TRABD2B: variants seen among roughly 807,000 people sequenced by gnomAD.
The protein encoded by TRABD2B is TraB domain containing 2B.
TRABD2B carries 14 observed loss-of-function variants against 40.1 expected under a neutral mutation model. The ratio of observed to expected loss-of-function variants is 0.35; its 90% confidence interval spans 0.23 to 0.55. TRABD2B has a LOEUF of 0.55. Among genes scored for constraint, TRABD2B ranks in the 20% least tolerant of loss-of-function variants. The pLI is 0.90. For synonymous variants in TRABD2B, 263 were observed against 277.0 expected (o/e 0.95, Z 0.50); for missense variants, 541 against 648.6 (o/e 0.83, Z 1.80).
chr1:47,845,346 T>A (rs1248006846), intron 2 of TRABD2B, among the ~76,000 whole-genome samples: 1 of 152,204 alleles, frequency 6.6e-6, no homozygotes, highest in Non-Finnish European at 1.5e-5. Context: ...ATTAGGATAA[T>A]AACAACAAAA....
At chr1:47,828,145 C>T (rs1287239498) in intron 2 of TRABD2B, among the ~76,000 whole-genome samples, 2 of 152,192 alleles carry the variant, frequency 1.3e-5, no homozygotes, top group Admixed American at 1.3e-4. Flanking sequence ...GGGCCACACA[C>T]AGTAGGTGCG....
At chr1:47,865,206 C>G (rs1051267091) in intron 2 of TRABD2B, among the ~76,000 whole-genome samples, 1 of 152,190 alleles carries the variant, frequency 6.6e-6, no homozygotes, top group Non-Finnish European at 1.5e-5. Flanking sequence ...CTGCCTTCAG[C>G]ATCACAGTAG....
chr1:47,955,698 T>C (rs761405152), intron 2 of TRABD2B, among the ~76,000 whole-genome samples: 18 of 152,048 alleles, frequency 1.2e-4, no homozygotes, highest in Non-Finnish European at 1.8e-4. Flanking sequence ...ATTTCAACTC[T>C]AAGGCCCTCA....
chr1:47,912,657 G>T (rs1644778740), intron 2 of TRABD2B, among the ~76,000 whole-genome samples: 1 of 152,178 alleles, frequency 6.6e-6, no homozygotes, highest in Non-Finnish European at 1.5e-5. Context: ...TTTACCATAT[G>T]CTGGGAGGGC....
chr1:47,974,657 C>T (rs960014458), intron 2 of TRABD2B, among the ~76,000 whole-genome samples: 9 of 152,322 alleles, frequency 5.9e-5, no homozygotes, highest in East Asian at 1.9e-4. Context: ...CAGACTGAGC[C>T]TTCAAAACGC....
intron 4 of TRABD2B, among the ~76,000 whole-genome samples, chr1:47,793,982 C>G (rs953460564): frequency 6.6e-6 from 1 of 152,198 alleles, no homozygotes; most frequent in African/African-American, 2.4e-5. Flanking sequence ...TCATGATGAT[C>G]ATTGCAGCTG....
intron 2 of TRABD2B, among the ~76,000 whole-genome samples, chr1:47,920,789 A>G (rs1047909244): frequency 3.3e-5 from 5 of 152,218 alleles, no homozygotes; most frequent in African/African-American, 1.2e-4. Flanking sequence ...CAGGTACTTC[A>G]GGATGAATGA....
intron 2 of TRABD2B, among the ~76,000 whole-genome samples, chr1:47,844,859 AG>A (rs1645447071): frequency 1.3e-5 from 2 of 152,316 alleles, no homozygotes; most frequent in Non-Finnish European, 2.9e-5. Context: ...AGACACTCAG[AG>A]TCAGACTCTC....
At chr1:47,883,939 G>A (rs532122842) in intron 2 of TRABD2B, among the ~76,000 whole-genome samples, 74 of 152,288 alleles carry the variant, frequency 4.9e-4, no homozygotes, top group Non-Finnish European at 7.8e-4. Context: ...TCTCTCCATG[G>A]GGATTTTAGG....
At position 47,863,050 on chromosome 1, in the gene TRABD2B, C is replaced by T. The variant is rs72894250; in HGVS notation, c.667-61431G>A. On this transcript the variant is annotated intron_variant, in intron 2 of 6. Coordinates refer to ENST00000606738, the MANE Select transcript of TRABD2B (RefSeq NM_001194986.2). ...ATCTAGGCACAGACCTTACACTCTT[C>T]ACAAAAATTAAGACAAAATGAATCA... Among the ~76,000 whole-genome samples the T allele has an allele frequency of 7.8e-3, 1,192 of 152,086 alleles. 10 individuals are homozygous for T. Among genetic ancestry groups the T allele is most frequent in the African/African-American group, 0.027 (1,133 of 41,488 alleles).
intron 2 of TRABD2B, among the ~76,000 whole-genome samples, chr1:47,945,938 G>A (rs1349052101): frequency 6.6e-6 from 1 of 152,210 alleles, no homozygotes; most frequent in African/African-American, 2.4e-5. Context: ...GATGTGGTAA[G>A]TGTATGTTTA....
chr1:47,930,416 C>T (rs910385974), intron 2 of TRABD2B, among the ~76,000 whole-genome samples: 1 of 152,202 alleles, frequency 6.6e-6, no homozygotes. Flanking sequence ...ACTCCAGCTA[C>T]TCCTCAGCGC....
intron 2 of TRABD2B, among the ~76,000 whole-genome samples, chr1:47,855,646 T>C (rs1469292856): frequency 2.0e-5 from 3 of 152,228 alleles, no homozygotes; most frequent in Non-Finnish European, 4.4e-5. Flanking sequence ...ATGGAATGCT[T>C]GTGTTCTCCC....
intron 2 of TRABD2B, among the ~76,000 whole-genome samples, chr1:47,833,484 T>A (rs1645277158): frequency 6.6e-6 from 1 of 152,184 alleles, no homozygotes; most frequent in Non-Finnish European, 1.5e-5. Flanking sequence ...GGCTGGGGAA[T>A]GATCATTGGC....
At chr1:47,966,578 C>T (rs1037717218) in intron 2 of TRABD2B, among the ~76,000 whole-genome samples, 2 of 152,130 alleles carry the variant, frequency 1.3e-5, no homozygotes, top group Non-Finnish European at 2.9e-5. Flanking sequence ...ATTTGGCTAA[C>T]ACAGCTTTGC....
At chr1:47,801,418 C>T (rs537663646) in intron 3 of TRABD2B, 55 bp downstream of exon 3, 162 of 1,493,018 alleles carry the variant, frequency 1.1e-4, no homozygotes, top group Non-Finnish European at 1.4e-4. Flanking sequence ...ATGCCTGGCA[C>T]GTCATAGGGA....
intron 2 of TRABD2B, among the ~76,000 whole-genome samples, chr1:47,854,888 T>A (rs1643875553): frequency 6.6e-6 from 1 of 152,164 alleles, no homozygotes; most frequent in East Asian, 1.9e-4. Flanking sequence ...GAGTCACATG[T>A]AAAAAAGTTT....
At chr1:47,769,183 T>TAA (rs11398500) in intron 6 of TRABD2B, among the ~76,000 whole-genome samples, 9 of 150,872 alleles carry the variant, frequency 6.0e-5, no homozygotes, top group Middle Eastern at 3.4e-3. Flanking sequence ...AAAACAAAAA[T>TAA]AAAAAAAAAG....
intron 2 of TRABD2B, among the ~76,000 whole-genome samples, chr1:47,836,852 C>T (rs1269110368): frequency 1.3e-5 from 2 of 152,206 alleles, no homozygotes; most frequent in Non-Finnish European, 2.9e-5. Context: ...GAAGCACACC[C>T]TTACCAGACA....
Sources: gnomAD v4.1 joint callset for allele counts (sites outside exome capture counted in the v4.1 genomes callset) on GRCh38, gnomAD v4.1.1 for gene constraint, MANE v1.5 for transcripts, NCBI Gene and HGNC (gene_info 2026-07-23, HGNC 2026-07-21) for gene names.